Variants in ALG9 observed in about 807,000 individuals in gnomAD.
The protein encoded by ALG9 is ALG9 alpha-1,2-mannosyltransferase.
Under a neutral mutation model 81.8 loss-of-function variants are expected in ALG9, and 55 were observed. The observed-to-expected ratio is 0.67, with a 90% CI of 0.54 to 0.84. The LOEUF (loss-of-function observed/expected upper bound fraction) is 0.84, where lower values mean the gene tolerates loss of function less well. ALG9 is among the 40% of genes least tolerant of loss of function. The pLI, the probability that ALG9 is intolerant of heterozygous loss-of-function variation, is 0.00. For missense variants in ALG9, 629 were observed against 745.0 expected (o/e 0.84, Z 1.81); for synonymous variants, 278 against 274.3 (o/e 1.01, Z -0.13).
chr11:111,837,632 T>G lies in ALG9; in HGVS notation c.1325-17A>C. On this transcript the variant is annotated splice_polypyrimidine_tract_variant and intron_variant, in intron 11 of 14. Coordinates refer to ENST00000616540, the MANE Select transcript of ALG9 (RefSeq NM_024740.2). ...CGTGATATCCTGGAAGGGAGAACAG[T>G]TAGTGAGAGCCAGAGATGAGTAAGA... The G allele has an allele frequency of 1.9e-6, 3 of 1,613,512 alleles. No homozygotes were observed. Among genetic ancestry groups the G allele is most frequent in the Non-Finnish European group, 2.5e-6 (3 of 1,179,542 alleles).
At chr11:111,841,795 T>C (rs1483969982) in intron 9 of ALG9, among the ~76,000 whole-genome samples, 2 of 152,202 alleles carry the variant, frequency 1.3e-5, no homozygotes, top group African/African-American at 2.4e-5. Context: ...TGAACTACAA[T>C]AACAAGATTT....
At chr11:111,857,804 A>C in intron 5 of ALG9, 67 bp from the exon 6 acceptor site, 2 of 1,570,658 alleles carry the variant, frequency 1.3e-6, no homozygotes, top group Non-Finnish European at 1.7e-6. Flanking sequence ...GTATCAATTA[A>C]AAACTGATTA....
chr11:111,807,807 G>T (rs1447922509), intron 14 of ALG9, among the ~76,000 whole-genome samples: 2 of 152,134 alleles, frequency 1.3e-5, no homozygotes, highest in Admixed American at 1.3e-4. Flanking sequence ...AAAATTTTTT[G>T]TTAAGGCTGG....
intron 7 of ALG9, 28 bp downstream of exon 7, chr11:111,853,621 G>A (rs1555140918): frequency 2.5e-6 from 4 of 1,606,988 alleles, no homozygotes; most frequent in Non-Finnish European, 3.4e-6. Flanking sequence ...ACAACTTTAG[G>A]ACAAAGCAAG....
At chr11:111,859,998 G>A (rs1015562942) in intron 5 of ALG9, among the ~76,000 whole-genome samples, 7 of 152,114 alleles carry the variant, frequency 4.6e-5, no homozygotes. Context: ...ATGCTCTAGA[G>A]TGAGGTTTTT....
chr11:111,838,208 T>C, intron 11 of ALG9, 41 bp downstream of exon 11: 2 of 1,611,254 alleles, frequency 1.2e-6, no homozygotes, highest in Non-Finnish European at 8.5e-7. Context: ...TAAGAGCAAG[T>C]GACTCGTCAG....
chr11:111,839,604 G>C (rs1167985213), intron 10 of ALG9, among the ~76,000 whole-genome samples: 5 of 134,902 alleles, frequency 3.7e-5, no homozygotes, highest in South Asian at 2.7e-4. Flanking sequence ...AAAAAAAAGG[G>C]GGGGGGGGAT....
chr11:111,834,448 C>A (rs1177861904), intron 13 of ALG9, among the ~76,000 whole-genome samples: 1 of 152,146 alleles, frequency 6.6e-6, no homozygotes, highest in Non-Finnish European at 1.5e-5. Flanking sequence ...AGATTAAGAA[C>A]ACTTGTGCAA....
intron 14 of ALG9, among the ~76,000 whole-genome samples, chr11:111,788,908 A>T (rs145679470): frequency 6.6e-6 from 1 of 152,350 alleles, no homozygotes; most frequent in African/African-American, 2.4e-5. Context: ...TTGACTCTAC[A>T]ATAAAAGCTT....
intron 13 of ALG9, among the ~76,000 whole-genome samples, chr11:111,826,104 G>A (rs1242807504): frequency 4.3e-5 from 2 of 46,374 alleles, no homozygotes; most frequent in South Asian, 7.2e-4. Flanking sequence ...AATAATATGC[G>A]GCCAGGTGCA....
intron 5 of ALG9, among the ~76,000 whole-genome samples, chr11:111,859,311 G>A (rs1317656661): frequency 2.0e-5 from 3 of 152,042 alleles, no homozygotes; most frequent in African/African-American, 7.2e-5. Context: ...AGAACAGCCT[G>A]ACCAACATGG....
chr11:111,844,465 T>C (rs1956674168), intron 9 of ALG9, 136 bp downstream of exon 9: 2 of 1,319,322 alleles, frequency 1.5e-6, no homozygotes, highest in Non-Finnish European at 2.2e-6. Flanking sequence ...AAACACAGAC[T>C]GAAAATTCAG....
intron 13 of ALG9, among the ~76,000 whole-genome samples, chr11:111,831,212 T>C (rs1954310602): frequency 6.6e-6 from 1 of 152,176 alleles, no homozygotes; most frequent in Non-Finnish European, 1.5e-5. Flanking sequence ...GGCTAATTTT[T>C]GTATTTTTAG....
rs139237147 is a variant in ALG9, at chr11:111,870,909, T to C, written c.131+443A>G. The C allele has an allele frequency of 4.6e-4, 460 of 998,838 alleles. 2 individuals are homozygous for C. The East Asian group carries it at 0.033, about 72-fold the overall frequency. 61.9% of individuals were successfully genotyped at this position (998,838 alleles called of 1,614,324 possible). A position where few individuals can be genotyped will look rare whatever the true frequency, so the allele number is the denominator to read the frequency against. On this transcript the variant is annotated intron_variant, in intron 1 of 14. Coordinates refer to ENST00000616540, the MANE Select transcript of ALG9 (RefSeq NM_024740.2). Reference sequence around the variant, plus strand: ...AGGTACATAGCCTACTCCAATTCCATATGTTGACAGCTCCCTTAATGCAGT... The same window carrying C: ...AGGTACATAGCCTACTCCAATTCCACATGTTGACAGCTCCCTTAATGCAGT...
rs1460867399 is a variant in ALG9 at position 111,860,403 on chromosome 11, C to T, written c.565+144G>A. On this transcript the variant is annotated intron_variant, in intron 5 of 14. Transcript: ENST00000616540. ...ATAACAGTGCTCTGCAAATTATTGA[C>T]ATGTTCTACAAATATAACCTACATT... 1.1e-5 allele frequency: 8 copies of T among 744,734 alleles called. No individual in the cohort carries two copies. In the East Asian group the frequency reaches 2.1e-4, roughly 19 times the overall value. The allele number at this position is 744,734 out of a possible 1,614,324, so 46.1% of individuals were successfully genotyped here. A position where few individuals can be genotyped will look rare whatever the true frequency, so the allele number is the denominator to read the frequency against.
intron 14 of ALG9, among the ~76,000 whole-genome samples, chr11:111,800,626 C>T (rs1246941662): frequency 6.6e-6 from 1 of 152,044 alleles, no homozygotes; most frequent in African/African-American, 2.4e-5. Context: ...TGTCTCCCCA[C>T]TGCTCACTCC....
chr11:111,870,382 C>CAAAAAAAAAAAAAAAA lies in ALG9; in HGVS notation c.132-28_132-13dup. The CAAAAAAAAAAAAAAAA allele has an allele frequency of 1.0e-6, 1 of 969,598 alleles. No homozygotes were observed. Among genetic ancestry groups the CAAAAAAAAAAAAAAAA allele is most frequent in the South Asian group, 2.3e-5 (1 of 42,828 alleles). The allele number at this position is 969,598 out of a possible 1,614,324, so 60.1% of individuals were successfully genotyped here. ...TGTTCCCAGATAACCTGTTCAAAAGCAAAAAAAAAAAAAAAAAAAAAAGCA... is the reference window on the plus strand; with the variant it reads ...TGTTCCCAGATAACCTGTTCAAAAGCAAAAAAAAAAAAAAAAAAAAAAAAAAAAAAAAAAAAAAGCA... On this transcript the variant is annotated splice_polypyrimidine_tract_variant and intron_variant, in intron 1 of 14. Transcript: ENST00000616540.
At chr11:111,852,561 T>C (rs1490984779) in intron 8 of ALG9, among the ~76,000 whole-genome samples, 1 of 152,220 alleles carries the variant, frequency 6.6e-6, no homozygotes, top group Non-Finnish European at 1.5e-5. Flanking sequence ...CTACAGATTT[T>C]CCAAACTTTC....
chr11:111,816,778 T>C (rs1951547192), intron 13 of ALG9, among the ~76,000 whole-genome samples: 1 of 152,218 alleles, frequency 6.6e-6, no homozygotes, highest in Non-Finnish European at 1.5e-5. Context: ...GAGGTCAGTC[T>C]TGAATTCCTG....
Sources: gnomAD v4.1 joint callset for allele counts (sites outside exome capture counted in the v4.1 genomes callset) on GRCh38, gnomAD v4.1.1 for gene constraint, MANE v1.5 for transcripts, NCBI Gene and HGNC (gene_info 2026-07-23, HGNC 2026-07-21) for gene names.